Variants in STYXL2 observed in about 807,000 individuals in gnomAD.
The protein encoded by STYXL2 is serine/threonine/tyrosine-interacting-like protein 2.
In STYXL2, 44 loss-of-function variants were observed where a neutral mutation model predicts 52.4. The observed-to-expected ratio is 0.84, with a 90% CI of 0.66 to 1.08. STYXL2 has a LOEUF of 1.08. Ranked by LOEUF, STYXL2 falls within the 50% of genes least tolerant of loss-of-function variation. STYXL2 has a pLI of 0.00. For synonymous variants in STYXL2, 604 were observed against 586.9 expected (o/e 1.03, Z -0.42); for missense variants, 1,604 against 1,471.7 (o/e 1.09, Z -1.47).
chr1:167,125,850 T>C lies in STYXL2; in HGVS notation c.719T>C (p.Leu240Pro), dbSNP rs770592179. ...TCAGCAGTGCTGGTGGTCGCCTACCTGATGATCTTCCACAACATGGCCATC... is the reference window on the plus strand; with the variant it reads ...TCAGCAGTGCTGGTGGTCGCCTACCCGATGATCTTCCACAACATGGCCATC... ...SRSAVLVVAY[L>P]MIFHNMAILE... The change falls in exon 6 of 6, where the codon CTG (leucine) becomes CCG (proline). Residue 240 changes from leucine (L) to proline (P), a missense_variant. Leu to Pro is a moderately conservative substitution (Grantham distance 98). Transcript: ENST00000361200. The C allele has an allele frequency of 6.2e-7, 1 of 1,613,748 alleles. No homozygotes were observed. Among genetic ancestry groups the C allele is most frequent in the South Asian group, 1.1e-5 (1 of 91,052 alleles).
At chr1:167,114,212 G>C (rs1667678156) in intron 3 of STYXL2, among the ~76,000 whole-genome samples, 2 of 152,112 alleles carry the variant, frequency 1.3e-5, no homozygotes, top group African/African-American at 2.4e-5. Context: ...GCTTCAAACT[G>C]AAGGATGCAT....
At chr1:167,116,198 T>C (rs1317796507) in intron 3 of STYXL2, among the ~76,000 whole-genome samples, 2 of 152,338 alleles carry the variant, frequency 1.3e-5, no homozygotes, top group South Asian at 2.1e-4. Context: ...TTGTCTAACT[T>C]AAAGAAAGAA....
intron 5 of STYXL2, among the ~76,000 whole-genome samples, chr1:167,120,283 A>G (rs572908778): frequency 6.6e-6 from 1 of 152,160 alleles, no homozygotes; most frequent in African/African-American, 2.4e-5. Context: ...CTGGCTGGGA[A>G]GAGTTGAGGA....
At chr1:167,111,975 C>T (rs1667631764) in intron 2 of STYXL2, among the ~76,000 whole-genome samples, 1 of 152,036 alleles carries the variant, frequency 6.6e-6, no homozygotes, top group African/African-American at 2.4e-5. Flanking sequence ...GAATGCTGTG[C>T]CCAGTGTCAG....
chr1:167,113,682 A>G, intron 2 of STYXL2, 28 bp from the exon 3 acceptor site: 1 of 1,541,762 alleles, frequency 6.5e-7, no homozygotes, highest in Non-Finnish European at 9.0e-7. Flanking sequence ...CTACAGGCTT[A>G]TCTCACGTGA....
intron 2 of STYXL2, among the ~76,000 whole-genome samples, chr1:167,105,500 TCAGGTATGC>T (rs1220749203): frequency 1.3e-5 from 2 of 152,142 alleles, no homozygotes; most frequent in African/African-American, 2.4e-5. Flanking sequence ...TCACTCCATC[TCAGGTATGC>T]CAGTTGGGAC....
intron 5 of STYXL2, among the ~76,000 whole-genome samples, chr1:167,123,299 C>A (rs1269128012): frequency 6.6e-6 from 1 of 152,200 alleles, no homozygotes; most frequent in Non-Finnish European, 1.5e-5. Flanking sequence ...TTAGGCTCCT[C>A]AGAGGAGTCC....
intron 2 of STYXL2, among the ~76,000 whole-genome samples, chr1:167,096,366 A>G (rs2102218010): frequency 6.6e-6 from 1 of 152,344 alleles, no homozygotes; most frequent in South Asian, 2.1e-4. Context: ...AATAAGGCAG[A>G]GGTCGCTTCG....
At chr1:167,116,823 G>C (rs977301213) in intron 3 of STYXL2, among the ~76,000 whole-genome samples, 3 of 151,862 alleles carry the variant, frequency 2.0e-5, no homozygotes, top group Non-Finnish European at 2.9e-5. Context: ...GGCTAATTTT[G>C]TATTTTTGTA....
chr1:167,103,155 T>A (rs1667437175), intron 2 of STYXL2, among the ~76,000 whole-genome samples: 1 of 152,200 alleles, frequency 6.6e-6, no homozygotes, highest in African/African-American at 2.4e-5. Context: ...CTGCTCTGTC[T>A]TCTCTTCTCT....
chr1:167,117,208 G>A, intron 3 of STYXL2, 120 bp from the exon 4 acceptor site: 1 of 860,492 alleles, frequency 1.2e-6, no homozygotes. Context: ...AGATCCTGCT[G>A]GCATTCAGTC....
chr1:167,112,547 TG>T (rs1323974168), intron 2 of STYXL2, among the ~76,000 whole-genome samples: 1 of 152,212 alleles, frequency 6.6e-6, no homozygotes, highest in Non-Finnish European at 1.5e-5. Flanking sequence ...AGTACTTACC[TG>T]TCAAAGTCTG....
rs899547238 is a variant in STYXL2 at position 167,126,521 on chromosome 1, A to G, written c.1390A>G (p.Arg464Gly). ...QLELNRPDHG[R>G]RRRADSMSSE... ...GGAGCTGAACCGCCCGGACCACGGCAGGAGGCGCCGCGCAGACTCGATGTC... is the reference window on the plus strand; with the variant it reads ...GGAGCTGAACCGCCCGGACCACGGCGGGAGGCGCCGCGCAGACTCGATGTC... The change falls in exon 6 of 6, where the codon AGG (arginine) becomes GGG (glycine). Residue 464 changes from arginine (R) to glycine (G), a missense_variant. Coordinates refer to ENST00000361200, the MANE Select transcript of STYXL2 (RefSeq NM_001080426.3). 6.2e-7 allele frequency: 1 copy of G among 1,613,070 alleles called. No individual in the cohort carries two copies. The highest frequency in any genetic ancestry group is 8.5e-7 in the Non-Finnish European group (1 of 1,179,742).
Position 167,117,508 on chromosome 1 carries a change from C to T in STYXL2, c.386C>T (p.Ala129Val), listed in dbSNP as rs760681958. The change falls in exon 4 of 6, where the codon GCG becomes GTG. Residue 129 changes from alanine to valine, a missense_variant. Transcript: ENST00000361200. Reference sequence around the variant, plus strand: ...GCCCTGGTTCAGGATCGCCAAGAGGCGCCCTGGAATGAGGTGGATGAGGTC... The same window carrying T: ...GCCCTGGTTCAGGATCGCCAAGAGGTGCCCTGGAATGAGGTGGATGAGGTC... ...QRALVQDRQEAPWNEVDEVWP... is the reference protein window; with the variant it reads ...QRALVQDRQEVPWNEVDEVWP... The T allele has an allele frequency of 5.2e-5, 84 of 1,610,658 alleles. No individual in the cohort carries two copies. The highest frequency in any genetic ancestry group is 1.1e-4 in the South Asian group (10 of 90,130).
chr1:167,094,726 C>T (rs980401027), intron 1 of STYXL2, 108 bp from the exon 2 acceptor site: 10 of 731,566 alleles, frequency 1.4e-5, no homozygotes, highest in South Asian at 3.5e-5. Context: ...CCCACCGGGA[C>T]CTTCCTAGTC....
chr1:167,100,501 C>G (rs6664197), intron 2 of STYXL2, among the ~76,000 whole-genome samples: 48,142 of 151,988 alleles, frequency 0.32, 7,951 homozygotes, highest in African/African-American at 0.4. Context: ...GGAAACAGGA[C>G]GCAGGGAAGA....
chr1:167,126,013 G>A lies in STYXL2; in HGVS notation c.882G>A (p.Glu294=). Residue 294 remains glutamate (E), a synonymous_variant, in exon 6 of 6, where the codon GAG becomes GAA. Coordinates refer to ENST00000361200, the MANE Select transcript of STYXL2 (RefSeq NM_001080426.3). ...EDYGREGGSA[E]AEEGEGTGSM... Reference sequence around the variant, plus strand: ...ATGGCCGGGAGGGGGGATCAGCTGAGGCTGAGGAGGGCGAGGGCACTGGGA... The same window carrying A: ...ATGGCCGGGAGGGGGGATCAGCTGAAGCTGAGGAGGGCGAGGGCACTGGGA... The A allele has an allele frequency of 1.9e-6, 3 of 1,604,892 alleles. No individual in the cohort carries two copies. Among genetic ancestry groups the A allele is most frequent in the Non-Finnish European group, 2.6e-6 (3 of 1,175,570 alleles).
chr1:167,120,823 A>C, intron 5 of STYXL2, among the ~76,000 whole-genome samples: 1 of 109,552 alleles, frequency 9.1e-6, no homozygotes, highest in Non-Finnish European at 1.8e-5. Context: ...GTGTGCGTGT[A>C]AATTACATAT....
intron 5 of STYXL2, among the ~76,000 whole-genome samples, chr1:167,123,395 A>G (rs1007247494): frequency 2.0e-5 from 3 of 152,178 alleles, no homozygotes; most frequent in African/African-American, 7.2e-5. Flanking sequence ...TGATGCTCCT[A>G]TGAAGAAGAC....
Sources: allele counts gnomAD v4.1 joint callset (sites outside exome capture counted in the v4.1 genomes callset), GRCh38; gene constraint gnomAD v4.1.1; transcripts MANE v1.5; gene names NCBI Gene and HGNC (gene_info 2026-07-23, HGNC 2026-07-21).